PUS1: variants seen among roughly 807,000 people sequenced by gnomAD.
PUS1 encodes the protein pseudouridine synthase 1.
A neutral mutation model predicts 38.5 loss-of-function variants in PUS1; 25 were observed. That is an observed-to-expected ratio of 0.65 (90% CI 0.47 to 0.91). PUS1 has a LOEUF of 0.91. PUS1 is among the 40% of genes least tolerant of loss of function. The probability of loss-of-function intolerance (pLI) is 0.00; values close to 1 mark genes in which losing one functional copy is unlikely to be tolerated. For synonymous variants in PUS1, 282 were observed against 260.4 expected (o/e 1.08, Z -0.80); for missense variants, 597 against 612.3 (o/e 0.97, Z 0.26).
At position 131,941,072 on chromosome 12, in the gene PUS1, T is replaced by A. The variant is rs935100188; in HGVS notation, c.545-220T>A. The A allele has an allele frequency of 3.5e-5, 20 of 571,088 alleles. 1 individual carries two copies. Among genetic ancestry groups the A allele is most frequent in the South Asian group, 3.4e-4 (15 of 44,286 alleles). 35.4% of individuals were successfully genotyped at this position (571,088 alleles called of 1,614,324 possible). On this transcript the variant is annotated intron_variant, in intron 4 of 5. Coordinates refer to ENST00000376649, the MANE Select transcript of PUS1 (RefSeq NM_025215.6). This position sits in a 1 kb window ranked among gnomAD's most constrained non-coding sequence, Gnocchi z 4.4. The stretch of plus-strand genomic sequence containing the variant: ...TTACAATAAATGGTTGTAAATTCAG[T>A]CACCTTATAGAGCACTGCACCTGTC...
chr12:131,930,755 C>T (rs912586970), intron 2 of PUS1, among the ~76,000 whole-genome samples: 1 of 152,048 alleles, frequency 6.6e-6, no homozygotes, highest in African/African-American at 2.4e-5. Context: ...TCCCGAACAT[C>T]GAGGGCTGTA....
rs906210030 is a variant in PUS1 at position 131,944,014 on chromosome 12, A to C, written c.*428A>C. 4.0e-6 allele frequency: 1 copy of C among 249,518 alleles called. No individual in the cohort carries two copies. Among genetic ancestry groups the C allele is most frequent in the South Asian group, 4.9e-5 (1 of 20,558 alleles). The allele number at this position is 249,518 out of a possible 1,614,324, so 15.5% of individuals were successfully genotyped here. On this transcript the variant is annotated 3_prime_UTR_variant, in exon 6 of 6. Transcript: ENST00000376649. ...TGTAATCCCAGCACTTGGGAGGCTGAGGTGGGCAGATCGCTTGAGTACAGG... is the reference window on the plus strand; with the variant it reads ...TGTAATCCCAGCACTTGGGAGGCTGCGGTGGGCAGATCGCTTGAGTACAGG...
At chr12:131,937,087 G>A (rs2136438383) in intron 3 of PUS1, among the ~76,000 whole-genome samples, 1 of 152,236 alleles carries the variant, frequency 6.6e-6, no homozygotes, top group East Asian at 1.9e-4. Context: ...GAAATCTGTT[G>A]TATATTTACC....
chr12:131,940,108 C>T (rs1231935859), intron 4 of PUS1, among the ~76,000 whole-genome samples: 1 of 151,988 alleles, frequency 6.6e-6, no homozygotes, highest in Non-Finnish European at 1.5e-5. Flanking sequence ...TCACAGCTCA[C>T]TGTAGCATCG....
Position 131,939,088 on chromosome 12 carries a change from G to C in PUS1, c.442-85G>C, listed in dbSNP as rs987592722. The C allele has an allele frequency of 3.5e-6, 3 of 861,362 alleles. No individual in the cohort carries two copies. In the East Asian group the frequency reaches 7.9e-5, roughly 23 times the overall value. The allele number at this position is 861,362 out of a possible 1,614,324, so 53.4% of individuals were successfully genotyped here. A position where few individuals can be genotyped will look rare whatever the true frequency, so the allele number is the denominator to read the frequency against. The stretch of plus-strand genomic sequence containing the variant: ...TGAATTCATGTGTGAAATGACGTAA[G>C]GTCCGCGTAGTCCTTCTTTCTCAGA... On this transcript the variant is annotated intron_variant, in intron 3 of 5. Transcript: ENST00000376649.
At chr12:131,937,198 C>G (rs1043455906) in intron 3 of PUS1, among the ~76,000 whole-genome samples, 1 of 152,168 alleles carries the variant, frequency 6.6e-6, no homozygotes, top group African/African-American at 2.4e-5. Context: ...CTCTTTCCAA[C>G]TTTTTATTTT....
At chr12:131,930,200 C>G (rs1296451752) in intron 2 of PUS1, 65 bp downstream of exon 2, 4 of 1,170,590 alleles carry the variant, frequency 3.4e-6, no homozygotes, top group African/African-American at 3.2e-5. Flanking sequence ...GCCGGGGAAG[C>G]GGTGGGTCCG....
intron 3 of PUS1, among the ~76,000 whole-genome samples, chr12:131,933,745 T>G (rs1167188842): frequency 6.6e-6 from 1 of 152,118 alleles, no homozygotes; most frequent in Non-Finnish European, 1.5e-5. Context: ...CAGTGTAGGG[T>G]CCAGCCCTAC....
intron 3 of PUS1, among the ~76,000 whole-genome samples, chr12:131,937,812 C>G (rs1375611968): frequency 1.3e-5 from 2 of 152,098 alleles, no homozygotes; most frequent in African/African-American, 4.8e-5. Context: ...TCCCAAAGTA[C>G]TGGGATTATG....
In PUS1 at chr12:131,932,299, C is replaced by G. The variant is rs1376269878; in HGVS notation, c.428C>G (p.Ala143Gly). 6.2e-7 allele frequency: 1 copy of G among 1,613,562 alleles called. No individual in the cohort carries two copies. The highest frequency in any genetic ancestry group is 1.7e-5 in the Admixed American group (1 of 60,018). The change falls in exon 3 of 6, where the codon GCC (alanine) becomes GGC (glycine). Residue 143 changes from alanine (A) to glycine (G), a missense_variant. Coordinates refer to ENST00000376649, the MANE Select transcript of PUS1 (RefSeq NM_025215.6). ...DMRKMSFQRC[A>G]RTDKGVSAAG... ...AGGAAAATGTCCTTCCAGCGCTGCGCCCGGACAGACAAGGTGGGTGGTGGC... is the reference window on the plus strand; with the variant it reads ...AGGAAAATGTCCTTCCAGCGCTGCGGCCGGACAGACAAGGTGGGTGGTGGC...
chr12:131,942,631 C>A (rs1025543048), intron 5 of PUS1, among the ~76,000 whole-genome samples: 3 of 152,186 alleles, frequency 2.0e-5, no homozygotes, highest in Non-Finnish European at 2.9e-5. Flanking sequence ...TGGTCTTGAT[C>A]TCCTGACCTT....
rs769761639 is a variant in PUS1, at chr12:131,943,592, T to C, written c.*6T>C. On this transcript the variant is annotated 3_prime_UTR_variant, in exon 6 of 6. Transcript: ENST00000376649. The stretch of plus-strand genomic sequence containing the variant: ...GGGACGGAGACACTGACTGAGGCGA[T>C]GGGAGCTGCCCACCAGAGTGCCTCT... 1 of 1,612,628 alleles carries C rather than the reference T, an allele frequency of 6.2e-7. No homozygotes were observed. The highest frequency in any genetic ancestry group is 1.7e-5 in the Admixed American group (1 of 60,004).
At chr12:131,942,696 G>A (rs779977678) in intron 5 of PUS1, among the ~76,000 whole-genome samples, 8 of 152,218 alleles carry the variant, frequency 5.3e-5, no homozygotes, top group Non-Finnish European at 1.2e-4. Flanking sequence ...GTGAGCCACT[G>A]CGTCCGGCCA....
intron 2 of PUS1, among the ~76,000 whole-genome samples, chr12:131,930,508 C>T (rs1335088264): frequency 6.6e-6 from 1 of 152,240 alleles, no homozygotes; most frequent in African/African-American, 2.4e-5. Context: ...TCAGAAGAGC[C>T]TGCTGTCGTG....
chr12:131,941,862 A>G lies in PUS1; in HGVS notation c.1115A>G (p.His372Arg). The change falls in exon 5 of 6, where the codon CAC (histidine) becomes CGC (arginine). Residue 372 changes from histidine (H) to arginine (R), a missense_variant. Physicochemically the swap from His to Arg is conservative, Grantham distance 29. Transcript: ENST00000376649. This position sits in a 1 kb window ranked among gnomAD's most constrained non-coding sequence, Gnocchi z 4.4. ...AAGGTCGCAGCCTTCAAGGAGGAGCACATCTACCCCACCATCATCGGCACC... is the reference window on the plus strand; with the variant it reads ...AAGGTCGCAGCCTTCAAGGAGGAGCGCATCTACCCCACCATCATCGGCACC... ...EGKVAAFKEE[H>R]IYPTIIGTER... The G allele has an allele frequency of 6.2e-7, 1 of 1,613,950 alleles. No homozygotes were observed. The highest frequency in any genetic ancestry group is 8.5e-7 in the Non-Finnish European group (1 of 1,180,034).
At chr12:131,932,476 G>T in intron 3 of PUS1, 164 bp downstream of exon 3, 3 of 766,086 alleles carry the variant, frequency 3.9e-6, no homozygotes, top group Non-Finnish European at 6.6e-6. Context: ...AGCCTGGTCG[G>T]CTCAGGTATA....
Position 131,943,606 on chromosome 12 carries a change from C to T in PUS1, c.*20C>T. Reference sequence around the variant, plus strand: ...GACTGAGGCGATGGGAGCTGCCCACCAGAGTGCCTCTGAGCAGCTCACAGT... The same window carrying T: ...GACTGAGGCGATGGGAGCTGCCCACTAGAGTGCCTCTGAGCAGCTCACAGT... On this transcript the variant is annotated 3_prime_UTR_variant, in exon 6 of 6. Coordinates refer to ENST00000376649, the MANE Select transcript of PUS1 (RefSeq NM_025215.6). The T allele has an allele frequency of 1.2e-6, 2 of 1,607,904 alleles. No homozygotes were observed. The highest frequency in any genetic ancestry group is 1.7e-6 in the Non-Finnish European group (2 of 1,175,168).
At chr12:131,933,644 G>A (rs998046297) in intron 3 of PUS1, among the ~76,000 whole-genome samples, 3 of 152,242 alleles carry the variant, frequency 2.0e-5, no homozygotes, top group South Asian at 2.1e-4. Context: ...GTCCTGTGAC[G>A]CCACATTCCT....
At chr12:131,929,829 G>GGCCCCCCCCCC in intron 1 of PUS1, 33 bp downstream of exon 1, 3 of 1,479,428 alleles carry the variant, frequency 2.0e-6, no homozygotes, top group Admixed American at 1.9e-5. Context: ...ACCCCGCTAT[G>GGCCCCCCCCCC]CCCGCCCAGC....
Sources: allele counts gnomAD v4.1 joint callset (sites outside exome capture counted in the v4.1 genomes callset), GRCh38; gene constraint gnomAD v4.1.1; non-coding constraint Gnocchi (gnomAD v3.1); transcripts MANE v1.5; gene names NCBI Gene and HGNC (gene_info 2026-07-23, HGNC 2026-07-21).